SLC25A13: variants seen among roughly 807,000 people sequenced by gnomAD.
The protein encoded by SLC25A13 is solute carrier family 25 member 13.
A neutral mutation model predicts 85.5 loss-of-function variants in SLC25A13; 70 were observed. That is an observed-to-expected ratio of 0.82 (90% CI 0.68 to 1.00). The LOEUF (loss-of-function observed/expected upper bound fraction) is 1.00, where lower values mean the gene tolerates loss of function less well. Among genes scored for constraint, SLC25A13 ranks in the 50% least tolerant of loss-of-function variants. The probability of loss-of-function intolerance (pLI) is 0.00; values close to 1 mark genes in which losing one functional copy is unlikely to be tolerated. For synonymous variants in SLC25A13, 259 were observed against 288.7 expected, an observed-to-expected ratio of 0.90 and a Z score of 1.04; for missense variants, 765 against 819.8, an observed-to-expected ratio of 0.93 and a Z score of 0.82.
chr7:96,167,044 TAG>T (rs1454292029), intron 13 of SLC25A13: 1 of 152,216 alleles, frequency 6.6e-6, no homozygotes, highest in Non-Finnish European at 1.5e-5. Context: ...CTTTCAGATT[TAG>T]AGTTTGTAAA....
chr7:96,213,168 T>C (rs550985446), intron 4 of SLC25A13, among the ~76,000 whole-genome samples: 1 of 152,356 alleles, frequency 6.6e-6, no homozygotes. Flanking sequence ...TTTTCTGAAA[T>C]GTTTGGTCTC....
intron 1 of SLC25A13, among the ~76,000 whole-genome samples, chr7:96,306,410 C>T (rs1000265919): frequency 5.9e-5 from 9 of 152,234 alleles, no homozygotes; most frequent in Admixed American, 5.9e-4. Flanking sequence ...GTTCTCCTCC[C>T]TTCTCCCAAC....
intron 13 of SLC25A13, among the ~76,000 whole-genome samples, chr7:96,164,343 A>G (rs1180566753): frequency 6.6e-6 from 1 of 152,190 alleles, no homozygotes; most frequent in Non-Finnish European, 1.5e-5. Context: ...GTGTGAGGAC[A>G]TTTTGGACCT....
intron 4 of SLC25A13, among the ~76,000 whole-genome samples, chr7:96,209,535 G>C (rs527814451): frequency 6.6e-6 from 1 of 152,262 alleles, no homozygotes; most frequent in East Asian, 1.9e-4. Context: ...CGAGCTGCAC[G>C]TGAAGACAAA....
chr7:96,187,923 AGCGAATCATTTCCT>A (rs1794699642), intron 9 of SLC25A13, among the ~76,000 whole-genome samples: 3 of 152,222 alleles, frequency 2.0e-5, no homozygotes, highest in Admixed American at 2.0e-4. Flanking sequence ...TCTAAGCGGC[AGCGAATCATTTCCT>A]GCTATAAATC....
intron 4 of SLC25A13, among the ~76,000 whole-genome samples, chr7:96,227,826 A>G (rs930128395): frequency 6.6e-6 from 1 of 152,222 alleles, no homozygotes; most frequent in African/African-American, 2.4e-5. Flanking sequence ...GGAAGATAAC[A>G]TAGGAGAATA....
chr7:96,306,253 C>T (rs1297581448), intron 1 of SLC25A13, among the ~76,000 whole-genome samples: 1 of 152,196 alleles, frequency 6.6e-6, no homozygotes, highest in Non-Finnish European at 1.5e-5. Context: ...CAAGAGAATC[C>T]AGAGATCAAA....
At chr7:96,296,493 T>C (rs1317722992) in intron 2 of SLC25A13, among the ~76,000 whole-genome samples, 2 of 152,008 alleles carry the variant, frequency 1.3e-5, no homozygotes, top group Admixed American at 1.3e-4. Context: ...TTTTTTTTTT[T>C]TTTTCTTGAG....
At chr7:96,267,327 A>C (rs1798072048) in intron 3 of SLC25A13, among the ~76,000 whole-genome samples, 1 of 152,238 alleles carries the variant, frequency 6.6e-6, no homozygotes, top group South Asian at 2.1e-4. Flanking sequence ...GAAATCTTTA[A>C]AAGGCCATAT....
At chr7:96,181,983 C>T (rs1584419769) in intron 11 of SLC25A13, among the ~76,000 whole-genome samples, 2 of 152,156 alleles carry the variant, frequency 1.3e-5, no homozygotes, top group East Asian at 3.9e-4. Context: ...TACTGAGTCT[C>T]AGAAATATGT....
intron 3 of SLC25A13, among the ~76,000 whole-genome samples, chr7:96,263,012 G>T (rs1246003834): frequency 3.2e-5 from 4 of 125,208 alleles, no homozygotes; most frequent in Non-Finnish European, 6.5e-5. Flanking sequence ...TCATCCTTTG[G>T]TCCAACCATC....
intron 3 of SLC25A13, among the ~76,000 whole-genome samples, chr7:96,236,583 C>T (rs554019948): frequency 2.0e-5 from 3 of 152,308 alleles, no homozygotes; most frequent in African/African-American, 7.2e-5. Context: ...TAGGGATTAT[C>T]TACTTCAACC....
At chr7:96,131,986 C>T in intron 14 of SLC25A13, 105 bp from the exon 15 acceptor site, 2 of 1,395,534 alleles carry the variant, frequency 1.4e-6, no homozygotes, top group Non-Finnish European at 2.0e-6. Context: ...TGGAGAAGAC[C>T]AAATTTGTAC....
intron 5 of SLC25A13, among the ~76,000 whole-genome samples, chr7:96,199,989 G>GAAA (rs1235079825): frequency 6.6e-6 from 1 of 151,244 alleles, no homozygotes; most frequent in East Asian, 1.9e-4. Context: ...AATTTATCAG[G>GAAA]AACAACAACA....
intron 4 of SLC25A13, among the ~76,000 whole-genome samples, chr7:96,229,603 C>T (rs1324125934): frequency 1.3e-5 from 2 of 152,180 alleles, no homozygotes; most frequent in African/African-American, 4.8e-5. Context: ...ATAACACTCA[C>T]CATGAAGGTC....
At chr7:96,225,695 T>C (rs1039313185) in intron 4 of SLC25A13, among the ~76,000 whole-genome samples, 1 of 152,072 alleles carries the variant, frequency 6.6e-6, no homozygotes, top group African/African-American at 2.4e-5. Flanking sequence ...CTCCAACCCT[T>C]CATGGAATAC....
chr7:96,243,230 T>C (rs889689067), intron 3 of SLC25A13, among the ~76,000 whole-genome samples: 14 of 152,206 alleles, frequency 9.2e-5, no homozygotes, highest in Non-Finnish European at 1.9e-4. Context: ...CCTCCCAAAG[T>C]GCTGGGATTA....
chr7:96,140,377 T>A (rs1050430658), intron 14 of SLC25A13, among the ~76,000 whole-genome samples: 1 of 151,484 alleles, frequency 6.6e-6, no homozygotes, highest in Non-Finnish European at 1.5e-5. Flanking sequence ...CCACTTTACA[T>A]TTCTACCACC....
chr7:96,178,507 C>T (rs1254061361), intron 11 of SLC25A13, among the ~76,000 whole-genome samples: 1 of 152,104 alleles, frequency 6.6e-6, no homozygotes, highest in Non-Finnish European at 1.5e-5. Context: ...ACCCCTATTC[C>T]TGTAGCTGAA....
Sources: allele counts gnomAD v4.1 joint callset (sites outside exome capture counted in the v4.1 genomes callset), GRCh38; gene constraint gnomAD v4.1.1; transcripts MANE v1.5; gene names NCBI Gene and HGNC (gene_info 2026-07-23, HGNC 2026-07-21).